The following STAM variants were observed in gnomAD, a reference collection of about 807,000 sequenced individuals.
The protein encoded by STAM is signal transducing adaptor molecule, also known as signal transducing adapter molecule 1.
A neutral mutation model predicts 63.4 loss-of-function variants in STAM; 16 were observed. The observed-to-expected ratio is 0.25, with a 90% CI of 0.17 to 0.38. The LOEUF is 0.38. STAM is among the 10% of genes least tolerant of loss of function. STAM has a pLI of 1.00. For missense variants in STAM, 636 were observed against 657.1 expected, an observed-to-expected ratio of 0.97 and a Z score of 0.35; for synonymous variants, 238 against 223.9, an observed-to-expected ratio of 1.06 and a Z score of -0.56.
intron 2 of STAM, among the ~76,000 whole-genome samples, chr10:17,663,905 T>A (rs1301782554): frequency 6.6e-6 from 1 of 152,062 alleles, no homozygotes. Flanking sequence ...AACATAAGGG[T>A]CATATTAGGA....
rs945168048 is a variant in STAM, at chr10:17,675,164, A to G, written c.126-9511A>G. 3.3e-5 allele frequency among the ~76,000 whole-genome samples: 5 copies of G among 152,202 alleles called. No individual in the cohort carries two copies. In the East Asian group the frequency reaches 9.6e-4, roughly 29 times the overall value. ...CGCTTGGTTTTAGACACATGGCCTG[A>G]TACAGCTTTTAGTTTATGAACATTC... On this transcript the variant is annotated intron_variant, in intron 2 of 13. Transcript: ENST00000377524.
At chr10:17,679,372 A>T (rs931712342) in intron 2 of STAM, among the ~76,000 whole-genome samples, 6 of 152,088 alleles carry the variant, frequency 3.9e-5, no homozygotes, top group African/African-American at 1.4e-4. Context: ...TACTTGGAGA[A>T]ATGTCTATTC....
chr10:17,656,517 G>A (rs572201493), intron 1 of STAM, among the ~76,000 whole-genome samples: 1 of 152,254 alleles, frequency 6.6e-6, no homozygotes, highest in African/African-American at 2.4e-5. Flanking sequence ...CTCTTGGGCT[G>A]ACATAGAGCC....
At chr10:17,668,961 G>T (rs1050115040) in intron 2 of STAM, among the ~76,000 whole-genome samples, 2 of 152,186 alleles carry the variant, frequency 1.3e-5, no homozygotes, top group South Asian at 4.1e-4. Flanking sequence ...TTTAAGTTCA[G>T]TTGGGTAAAT....
At chr10:17,649,780 C>A (rs1833663640) in intron 1 of STAM, among the ~76,000 whole-genome samples, 1 of 151,964 alleles carries the variant, frequency 6.6e-6, no homozygotes, top group African/African-American at 2.4e-5. Context: ...GTTTTTAAAT[C>A]TTTTTTTACA....
chr10:17,647,294 A>G (rs1833555428), intron 1 of STAM, among the ~76,000 whole-genome samples: 1 of 152,230 alleles, frequency 6.6e-6, no homozygotes, highest in Admixed American at 6.5e-5. Flanking sequence ...CCACCTTGCC[A>G]AATCCAATGG....
At chr10:17,687,436 C>T (rs1438142899) in intron 4 of STAM, among the ~76,000 whole-genome samples, 1 of 152,002 alleles carries the variant, frequency 6.6e-6, no homozygotes, top group Non-Finnish European at 1.5e-5. Flanking sequence ...TTGCAGTGTG[C>T]TGAGATCGAG....
chr10:17,663,636 C>T (rs1834263348), intron 2 of STAM, among the ~76,000 whole-genome samples: 1 of 151,864 alleles, frequency 6.6e-6, no homozygotes, highest in African/African-American at 2.4e-5. Context: ...TTTAAATCCC[C>T]ATTAAGTTAA....
chr10:17,694,032 T>G (rs912260826), intron 6 of STAM, among the ~76,000 whole-genome samples: 3 of 152,188 alleles, frequency 2.0e-5, no homozygotes, highest in Non-Finnish European at 4.4e-5. Context: ...TTTTTTTGAT[T>G]GCTAGTGAGA....
intron 7 of STAM, 118 bp from the exon 8 acceptor site, chr10:17,696,657 A>G: frequency 1.6e-6 from 1 of 637,974 alleles, no homozygotes; most frequent in Non-Finnish European, 2.6e-6. Flanking sequence ...TGGCTTTTTC[A>G]GTGGGTTATT....
intron 9 of STAM, among the ~76,000 whole-genome samples, chr10:17,702,597 C>G (rs1554828639): frequency 6.6e-6 from 1 of 152,080 alleles, no homozygotes; most frequent in Non-Finnish European, 1.5e-5. Context: ...GGGCTTTTAG[C>G]AATCTTTTAT....
chr10:17,655,381 T>C (rs1200598325), intron 1 of STAM, among the ~76,000 whole-genome samples: 2 of 152,240 alleles, frequency 1.3e-5, no homozygotes, highest in African/African-American at 4.8e-5. Context: ...GCTTTTGCTA[T>C]CTTCTATGTT....
At chr10:17,709,073 C>A in intron 13 of STAM, 122 bp downstream of exon 13, 1 of 1,195,292 alleles carries the variant, frequency 8.4e-7, no homozygotes, top group Non-Finnish European at 1.2e-6. Flanking sequence ...TGCGGCCGCC[C>A]CATTTGTGCT....
chr10:17,712,212 G>A (rs1265302766), intron 13 of STAM, among the ~76,000 whole-genome samples: 1 of 152,260 alleles, frequency 6.6e-6, no homozygotes, highest in African/African-American at 2.4e-5. Flanking sequence ...CTGTGAAGTC[G>A]GTAAACTATT....
intron 13 of STAM, among the ~76,000 whole-genome samples, chr10:17,710,184 A>T (rs143028570): frequency 6.6e-6 from 1 of 151,998 alleles, no homozygotes; most frequent in Admixed American, 6.5e-5. Flanking sequence ...CTGTTTGACT[A>T]TGTCACATGC....
At chr10:17,656,245 G>A (rs79732928) in intron 1 of STAM, among the ~76,000 whole-genome samples, 17,245 of 147,432 alleles carry the variant, frequency 0.12, 1,076 homozygotes, top group Middle Eastern at 0.17. Flanking sequence ...AGTGAGCCGA[G>A]ATCGCACCAC....
chr10:17,655,324 T>C lies in STAM; in HGVS notation c.41-5140T>C, dbSNP rs144977679. 2.0e-3 allele frequency among the ~76,000 whole-genome samples: 304 copies of C among 152,306 alleles called. 1 individual carries two copies. The highest frequency in any genetic ancestry group is 6.3e-3 in the African/African-American group (264 of 41,576). On this transcript the variant is annotated intron_variant, in intron 1 of 13. Coordinates refer to ENST00000377524, the MANE Select transcript of STAM (RefSeq NM_003473.4). ...TTATTGAGATCATGAATTGTTTGGA[T>C]CTTTGTATTAATTCTTATGCAAGGA...
chr10:17,666,220 A>G (rs982209456), intron 2 of STAM, among the ~76,000 whole-genome samples: 5 of 152,178 alleles, frequency 3.3e-5, no homozygotes, highest in African/African-American at 9.7e-5. Flanking sequence ...AAGGTGGAAA[A>G]CATCATGTAA....
chr10:17,696,618 T>C (rs782658456), intron 7 of STAM, 157 bp from the exon 8 acceptor site: 11 of 566,834 alleles, frequency 1.9e-5, no homozygotes, highest in South Asian at 1.3e-4. Flanking sequence ...CTGAGGCTTC[T>C]TCTTCTTTTG....
Sources: allele counts gnomAD v4.1 joint callset (sites outside exome capture counted in the v4.1 genomes callset), GRCh38; gene constraint gnomAD v4.1.1; transcripts MANE v1.5; gene names NCBI Gene and HGNC (gene_info 2026-07-23, HGNC 2026-07-21).